The following TMEM131 variants were observed in gnomAD, a reference collection of about 807,000 sequenced individuals.
The protein encoded by TMEM131 is 2610524E03Rik.
A neutral mutation model predicts 211.6 loss-of-function variants in TMEM131; 66 were observed. The ratio of observed to expected loss-of-function variants is 0.31; its 90% confidence interval spans 0.26 to 0.38. TMEM131 has a LOEUF of 0.38. TMEM131 is among the 10% of genes least tolerant of loss of function. The pLI is 1.00. For synonymous variants in TMEM131, 844 were observed against 841.3 expected (o/e 1.00, Z -0.06); for missense variants, 2,036 against 2,299.3 (o/e 0.89, Z 2.34).
intron 1 of TMEM131, among the ~76,000 whole-genome samples, chr2:97,942,771 A>C (rs1159191905): frequency 6.6e-6 from 1 of 152,048 alleles, no homozygotes; most frequent in Non-Finnish European, 1.5e-5. Context: ...AATTCTACTA[A>C]ACATTTAAAG....
At chr2:97,939,249 T>C (rs1337925353) in intron 1 of TMEM131, among the ~76,000 whole-genome samples, 1 of 152,110 alleles carries the variant, frequency 6.6e-6, no homozygotes, top group Non-Finnish European at 1.5e-5. Context: ...AGCTGGTTTT[T>C]TGAAAAGATC....
intron 4 of TMEM131, among the ~76,000 whole-genome samples, chr2:97,864,573 T>G (rs1297164938): frequency 6.6e-6 from 1 of 152,192 alleles, no homozygotes; most frequent in Non-Finnish European, 1.5e-5. Flanking sequence ...GGGGCTAATT[T>G]AGGTTCCTTA....
At chr2:97,866,704 G>C (rs929831563) in intron 4 of TMEM131, among the ~76,000 whole-genome samples, 2 of 152,076 alleles carry the variant, frequency 1.3e-5, no homozygotes, top group Non-Finnish European at 2.9e-5. Context: ...TGTTCATCTC[G>C]AAGTATTTTC....
chr2:97,791,927 C>T (rs1035685885), intron 31 of TMEM131, among the ~76,000 whole-genome samples: 12 of 152,140 alleles, frequency 7.9e-5, no homozygotes, highest in Non-Finnish European at 1.6e-4. Flanking sequence ...AACAAATGAG[C>T]ATGGTTCTAT....
intron 3 of TMEM131, among the ~76,000 whole-genome samples, chr2:97,905,252 G>T (rs1573537911): frequency 6.6e-6 from 1 of 152,116 alleles, no homozygotes; most frequent in Admixed American, 6.5e-5. Context: ...TTTTCTTTTG[G>T]TACTTTAAAA....
chr2:97,823,483 G>GA (rs1682223558), intron 11 of TMEM131, among the ~76,000 whole-genome samples: 1 of 152,038 alleles, frequency 6.6e-6, no homozygotes, highest in Non-Finnish European at 1.5e-5. Context: ...GGCCTTTAAT[G>GA]AAAAAAATGC....
At chr2:97,822,869 C>T (rs2105014737) in intron 11 of TMEM131, among the ~76,000 whole-genome samples, 1 of 152,240 alleles carries the variant, frequency 6.6e-6, no homozygotes, top group Non-Finnish European at 1.5e-5. Flanking sequence ...CATCCTAAGC[C>T]ATTGGGACCA....
chr2:97,840,758 T>C (rs1683159610), intron 7 of TMEM131, among the ~76,000 whole-genome samples: 1 of 152,214 alleles, frequency 6.6e-6, no homozygotes, highest in African/African-American at 2.4e-5. Context: ...AAGCAGGACA[T>C]AAGAACAGGT....
chr2:97,950,670 T>C (rs1277328606), intron 1 of TMEM131, among the ~76,000 whole-genome samples: 5 of 152,034 alleles, frequency 3.3e-5, no homozygotes, highest in Non-Finnish European at 5.9e-5. Context: ...TCAGAAATCA[T>C]GTAGAAGTTG....
chr2:97,775,385 C>T (rs531961480), intron 32 of TMEM131, among the ~76,000 whole-genome samples: 2 of 152,304 alleles, frequency 1.3e-5, no homozygotes, highest in South Asian at 4.1e-4. Context: ...CACTCTACTG[C>T]TTGGGAGTAA....
At chr2:97,897,731 T>C (rs1014971908) in intron 3 of TMEM131, among the ~76,000 whole-genome samples, 1 of 152,068 alleles carries the variant, frequency 6.6e-6, no homozygotes, top group East Asian at 1.9e-4. Context: ...AATCACCTCA[T>C]AAAACGTGTA....
At chr2:97,852,971 C>A (rs540992103) in intron 5 of TMEM131, among the ~76,000 whole-genome samples, 43 of 152,346 alleles carry the variant, frequency 2.8e-4, no homozygotes, top group African/African-American at 9.9e-4. Context: ...CTATTTATAA[C>A]ATGGTTTACT....
chr2:97,843,774 A>G (rs759622471), intron 6 of TMEM131, among the ~76,000 whole-genome samples: 12 of 152,256 alleles, frequency 7.9e-5, no homozygotes, highest in Admixed American at 2.6e-4. Flanking sequence ...AAATAAGTTT[A>G]TCAAAAAATA....
chr2:97,810,687 A>C (rs964639978), intron 18 of TMEM131, among the ~76,000 whole-genome samples: 2 of 152,202 alleles, frequency 1.3e-5, no homozygotes, highest in African/African-American at 4.8e-5. Flanking sequence ...TTGACTTTGA[A>C]TGACTCATGA....
intron 18 of TMEM131, 64 bp from the exon 19 acceptor site, chr2:97,809,838 T>G (rs1681473384): frequency 2.3e-6 from 3 of 1,329,930 alleles, no homozygotes; most frequent in African/African-American, 2.9e-5. Flanking sequence ...TGATAACTAT[T>G]GCATTATATT....
At chr2:97,803,523 T>C (rs1681138907) in intron 22 of TMEM131, among the ~76,000 whole-genome samples, 1 of 152,222 alleles carries the variant, frequency 6.6e-6, no homozygotes, top group South Asian at 2.1e-4. Flanking sequence ...GGAGCTAAGA[T>C]TCCTGGGACT....
At chr2:97,906,544 T>G (rs930574157) in intron 3 of TMEM131, among the ~76,000 whole-genome samples, 9 of 152,122 alleles carry the variant, frequency 5.9e-5, no homozygotes, top group African/African-American at 2.2e-4. Flanking sequence ...AAGGGCAGAT[T>G]AAGGTGATAC....
chr2:97,958,431 GAACAGT>G (rs966294600), intron 1 of TMEM131, among the ~76,000 whole-genome samples: 5 of 152,160 alleles, frequency 3.3e-5, no homozygotes, highest in Non-Finnish European at 7.3e-5. Context: ...TGGTGAAGTA[GAACAGT>G]AACAAACCCT....
rs555818972 is a variant in TMEM131, at chr2:97,932,646, CT to C, written c.188-5160del. ...CCTTATCCTAAAGAATCTAAGTCAT[CT>C]AAAAAGATCTGTAAACTTCAGTTAT... On this transcript the variant is annotated intron_variant, in intron 1 of 40. Transcript: ENST00000186436. 1.8e-4 allele frequency among the ~76,000 whole-genome samples: 28 copies of C among 152,270 alleles called. No homozygotes were observed. In the East Asian group the frequency reaches 4.1e-3, roughly 22 times the overall value.
Sources: allele counts gnomAD v4.1 joint callset (sites outside exome capture counted in the v4.1 genomes callset), GRCh38; gene constraint gnomAD v4.1.1; transcripts MANE v1.5; gene names NCBI Gene and HGNC (gene_info 2026-07-23, HGNC 2026-07-21).